Variants in RBFOX1 observed in about 807,000 individuals in gnomAD.
RBFOX1 encodes the protein RNA binding fox-1 homolog 1.
A neutral mutation model predicts 57.7 loss-of-function variants in RBFOX1; 8 were observed. That is an observed-to-expected ratio of 0.14 (90% confidence interval 0.08 to 0.25). The LOEUF is 0.25. Among genes scored for constraint, RBFOX1 ranks in the 10% least tolerant of loss-of-function variants. The pLI, the probability that RBFOX1 is intolerant of heterozygous loss-of-function variation, is 1.00. For missense variants in RBFOX1, 611 were observed against 548.5 expected (o/e 1.11, Z -1.14); for synonymous variants, 326 against 222.4 (o/e 1.47, Z -4.15).
chr16:6,033,534 T>C (rs1385402339), intron 1 of RBFOX1, among the ~76,000 whole-genome samples: 1 of 152,242 alleles, frequency 6.6e-6, no homozygotes, highest in Non-Finnish European at 1.5e-5. Context: ...ATAGTTCCAC[T>C]GTTTGCTCTT....
intron 3 of RBFOX1, among the ~76,000 whole-genome samples, chr16:7,002,282 A>C (rs757593815): frequency 2.0e-5 from 3 of 152,238 alleles, no homozygotes; most frequent in African/African-American, 4.8e-5. Context: ...GGAACTTTGC[A>C]AGCATGTGAG....
rs533940877 is a variant in RBFOX1, at chr16:7,209,690, G to T, written c.27+157592G>T. 1.2e-4 allele frequency among the ~76,000 whole-genome samples: 18 copies of T among 152,298 alleles called. 1 individual carries two copies. In the South Asian group the frequency reaches 3.7e-3, roughly 32 times the overall value. On this transcript the variant is annotated intron_variant, in intron 4 of 15. Coordinates refer to ENST00000550418, the MANE Select transcript of RBFOX1 (RefSeq NM_018723.4). ...AAAATTTTTAATCCGTATTTGGTTT[G>T]CTGGTTCCCTATATGCCTCCCTTCA...
At chr16:7,198,433 G>A (rs1011558269) in intron 4 of RBFOX1, among the ~76,000 whole-genome samples, 1 of 152,200 alleles carries the variant, frequency 6.6e-6, no homozygotes, top group African/African-American at 2.4e-5. Context: ...TTAATTTTAT[G>A]TTATATGAAT....
chr16:6,211,185 C>T (rs35689941), intron 1 of RBFOX1, among the ~76,000 whole-genome samples: 36 of 123,136 alleles, frequency 2.9e-4, no homozygotes, highest in South Asian at 5.8e-4. Context: ...GTGTTTTCTT[C>T]TTCTTTTTTT....
At chr16:7,413,804 T>A (rs2098453323) in intron 4 of RBFOX1, among the ~76,000 whole-genome samples, 1 of 152,172 alleles carries the variant, frequency 6.6e-6, no homozygotes, top group Admixed American at 6.5e-5. Context: ...GGATCCCAGG[T>A]ACCTCTCATG....
chr16:7,246,470 T>A (rs930832675), intron 4 of RBFOX1, among the ~76,000 whole-genome samples: 4 of 152,162 alleles, frequency 2.6e-5, no homozygotes, highest in Admixed American at 6.5e-5. Flanking sequence ...ACTCGTTGTT[T>A]TGCTTTCAGG....
intron 3 of RBFOX1, among the ~76,000 whole-genome samples, chr16:6,765,850 G>C (rs2077249783): frequency 6.6e-6 from 1 of 152,136 alleles, no homozygotes; most frequent in Non-Finnish European, 1.5e-5. Context: ...GATGAAACTG[G>C]AGGTTTCTTC....
chr16:6,632,709 C>G (rs2098399987), intron 2 of RBFOX1, among the ~76,000 whole-genome samples: 1 of 152,228 alleles, frequency 6.6e-6, no homozygotes, highest in African/African-American at 2.4e-5. Context: ...CTTGCCAGGC[C>G]TAACCAACCT....
intron 10 of RBFOX1, among the ~76,000 whole-genome samples, chr16:7,607,712 C>T (rs1355154842): frequency 2.0e-5 from 3 of 152,140 alleles, no homozygotes; most frequent in Non-Finnish European, 2.9e-5. Flanking sequence ...TTGGGGTTGG[C>T]ATTTTCTTTT....
In RBFOX1 at chr16:5,448,228, C is replaced by A. The variant is rs118171689; in HGVS notation, c.220-18988C>A. 2.8e-3 allele frequency among the ~76,000 whole-genome samples: 419 copies of A among 152,252 alleles called. 4 individuals carry two copies. The highest frequency in any genetic ancestry group is 6.8e-3 in the Middle Eastern group (2 of 292). ...GGGATGGTAAAATTAGACCTGGACG[C>A]TGCATGTTTTCACCTTCACTAGACC... On this transcript the variant is annotated intron_variant, in intron 1 of 2. Transcript: ENST00000585867.
chr16:6,030,459 C>G (rs548310913), intron 1 of RBFOX1, among the ~76,000 whole-genome samples: 1 of 152,184 alleles, frequency 6.6e-6, no homozygotes, highest in African/African-American at 2.4e-5. Context: ...ATTAACCTCA[C>G]TTTTGACTCA....
chr16:5,735,447 T>C (rs2052537058), intron 3 of RBFOX1, among the ~76,000 whole-genome samples: 1 of 152,236 alleles, frequency 6.6e-6, no homozygotes, highest in Non-Finnish European at 1.5e-5. Context: ...CTGAACTTTC[T>C]TTCTCCAAGG....
intron 4 of RBFOX1, among the ~76,000 whole-genome samples, chr16:7,096,890 C>G (rs903335410): frequency 2.1e-5 from 3 of 141,536 alleles, no homozygotes; most frequent in African/African-American, 8.2e-5. Context: ...CGAGATCGTA[C>G]CACTGCACTC....
intron 4 of RBFOX1, among the ~76,000 whole-genome samples, chr16:7,185,528 C>T (rs1028726509): frequency 3.9e-5 from 6 of 152,178 alleles, no homozygotes; most frequent in African/African-American, 1.4e-4. Flanking sequence ...CATGGATCAC[C>T]TTTGTGGACA....
intron 1 of RBFOX1, among the ~76,000 whole-genome samples, chr16:5,242,650 A>C (rs1596285175): frequency 6.6e-6 from 1 of 152,198 alleles, no homozygotes; most frequent in East Asian, 1.9e-4. Context: ...TTGTCTGCGT[A>C]GACCATTAGC....
chr16:6,078,957 C>T (rs144929874), intron 1 of RBFOX1, among the ~76,000 whole-genome samples: 458 of 152,254 alleles, frequency 3.0e-3, no homozygotes, highest in African/African-American at 0.011. Flanking sequence ...TTTATCCTTC[C>T]ACAGATAGCC....
chr16:7,657,667 C>T (rs962975106), intron 12 of RBFOX1, among the ~76,000 whole-genome samples: 1 of 152,188 alleles, frequency 6.6e-6, no homozygotes, highest in South Asian at 2.1e-4. Flanking sequence ...TTCTGAAGCC[C>T]TTCCATGCAG....
chr16:6,018,968 C>T, upstream of RBFOX1: 1 of 523,266 alleles, frequency 1.9e-6, no homozygotes, highest in Non-Finnish European at 2.4e-6. Flanking sequence ...CACGCGTGAC[C>T]GCGGCGGCGG....
At chr16:6,864,989 C>CTT (rs1555544471) in intron 3 of RBFOX1, among the ~76,000 whole-genome samples, 32 of 105,796 alleles carry the variant, frequency 3.0e-4, no homozygotes, top group African/African-American at 6.4e-4. Flanking sequence ...GTGGGTTTTT[C>CTT]TTTTTCTTTT....
Sources: allele counts gnomAD v4.1 joint callset (sites outside exome capture counted in the v4.1 genomes callset), GRCh38; gene constraint gnomAD v4.1.1; transcripts MANE v1.5; gene names NCBI Gene and HGNC (gene_info 2026-07-23, HGNC 2026-07-21).